The following CNOT10 variants were observed in gnomAD, a reference collection of about 807,000 sequenced individuals.
The protein encoded by CNOT10 is CCR4-NOT transcription complex subunit 10.
A neutral mutation model predicts 94.6 loss-of-function variants in CNOT10; 30 were observed. The ratio of observed to expected loss-of-function variants is 0.32; its 90% CI spans 0.24 to 0.43. CNOT10 has a LOEUF of 0.43. Among genes scored for constraint, CNOT10 ranks in the 20% least tolerant of loss-of-function variants. The pLI is 1.00. For synonymous variants in CNOT10, 289 were observed against 301.6 expected, an observed-to-expected ratio of 0.96 and a Z score of 0.43; for missense variants, 759 against 877.2, an observed-to-expected ratio of 0.87 and a Z score of 1.70.
rs560876803 is a variant in CNOT10, at chr3:32,726,631, G to A, written c.1012+1032G>A. Among the ~76,000 whole-genome samples, 22 of 151,298 alleles carry A rather than the reference G, an allele frequency of 1.5e-4. No individual in the cohort carries two copies. In the South Asian group the frequency reaches 4.4e-3, roughly 30 times the overall value. On this transcript the variant is annotated intron_variant, in intron 9 of 18. Coordinates refer to ENST00000328834, the MANE Select transcript of CNOT10 (RefSeq NM_015442.3). ...TAATGGCGTGTACCCAGGAGGCGGA[G>A]CTTGCCGTGAGCCGAGATCATGCCA...
At position 32,764,742 on chromosome 3, in the gene CNOT10, T is replaced by C; in HGVS notation, c.1937T>C (p.Leu646Pro). The C allele has an allele frequency of 6.2e-7, 1 of 1,614,184 alleles. No individual in the cohort carries two copies. Among genetic ancestry groups the C allele is most frequent in the African/African-American group, 1.3e-5 (1 of 75,030 alleles). Residue 646 changes from leucine to proline, a missense_variant, in exon 17 of 19, where the codon CTG becomes CCG. By Grantham distance (98) the Leu-to-Pro change is moderately conservative (BLOSUM62 -3). Coordinates refer to ENST00000328834, the MANE Select transcript of CNOT10 (RefSeq NM_015442.3). ...GTCAACTCTGCCAGGACTGTGATGC[T>C]GTTCAACCTTGGCAGCGCTTACTGC... Reference protein sequence around the residue: ...SSVNSARTVMLFNLGSAYCLR... With the variant: ...SSVNSARTVMPFNLGSAYCLR...
At chr3:32,752,184 A>C (rs151221025) in intron 13 of CNOT10, among the ~76,000 whole-genome samples, 114 of 152,132 alleles carry the variant, frequency 7.5e-4, no homozygotes, top group African/African-American at 2.6e-3. Context: ...GCTAGTCAAG[A>C]AGGCTGAGGC....
In CNOT10 at chr3:32,772,327, C is replaced by T. The variant is rs750332856; in HGVS notation, c.2081-1130C>T. Reference sequence around the variant, plus strand: ...TCGTGCCACTGCACTCCAGTCTGAACGACAGAGCGAGACTCCGTCTCAAAA... The same window carrying T: ...TCGTGCCACTGCACTCCAGTCTGAATGACAGAGCGAGACTCCGTCTCAAAA... On this transcript the variant is annotated intron_variant, in intron 18 of 18. Transcript: ENST00000328834. Among the ~76,000 whole-genome samples, 25 of 150,690 alleles carry T rather than the reference C, an allele frequency of 1.7e-4. 1 individual carries two copies. Among genetic ancestry groups the T allele is most frequent in the African/African-American group, 5.6e-4 (23 of 40,950 alleles).
At chr3:32,717,808 GTGAGC>G (rs1445193578) in intron 7 of CNOT10, among the ~76,000 whole-genome samples, 9 of 152,192 alleles carry the variant, frequency 5.9e-5, no homozygotes, top group Non-Finnish European at 1.2e-4. Flanking sequence ...AGAAGTTGCA[GTGAGC>G]TGAGATCGTG....
intron 15 of CNOT10, among the ~76,000 whole-genome samples, chr3:32,763,455 A>C (rs993363212): frequency 6.6e-6 from 1 of 152,120 alleles, no homozygotes; most frequent in African/African-American, 2.4e-5. Flanking sequence ...GTTCAAGACC[A>C]GCCTGGCCAA....
intron 4 of CNOT10, among the ~76,000 whole-genome samples, chr3:32,711,443 G>A (rs553172242): frequency 1.3e-5 from 2 of 152,220 alleles, no homozygotes; most frequent in South Asian, 4.1e-4. Flanking sequence ...CAGTGCAGAT[G>A]CAACAACTTT....
chr3:32,764,514 T>G, intron 16 of CNOT10, 24 bp downstream of exon 16: 1 of 1,612,264 alleles, frequency 6.2e-7, no homozygotes, highest in Non-Finnish European at 8.5e-7. Flanking sequence ...TTTGTGATAC[T>G]TAAGTAGCCT....
At chr3:32,764,832 T>A (rs1353020527) in intron 17 of CNOT10, 23 bp downstream of exon 17, 2 of 1,610,688 alleles carry the variant, frequency 1.2e-6, no homozygotes, top group Non-Finnish European at 1.7e-6. Context: ...TGGGAGGAAC[T>A]GAACCTTGTA....
intron 1 of CNOT10, among the ~76,000 whole-genome samples, chr3:32,687,458 T>TTTTTTTTGTTTTG (rs1559471766): frequency 1.9e-5 from 2 of 108,050 alleles, no homozygotes; most frequent in Non-Finnish European, 3.9e-5. Context: ...TTTTGTTTTT[T>TTTTTTTTGTTTTG]TTTTTTTTTT....
intron 14 of CNOT10, among the ~76,000 whole-genome samples, chr3:32,762,187 G>A (rs958298544): frequency 1.3e-5 from 2 of 150,578 alleles, no homozygotes; most frequent in East Asian, 2.0e-4. Flanking sequence ...AAAAAAGCTG[G>A]GCATGGTGGC....
At chr3:32,773,212 G>A (rs375635030) in intron 18 of CNOT10, among the ~76,000 whole-genome samples, 9 of 152,034 alleles carry the variant, frequency 5.9e-5, no homozygotes, top group African/African-American at 2.2e-4. Flanking sequence ...TCTCTACCTG[G>A]GCTATACCTT....
intron 7 of CNOT10, among the ~76,000 whole-genome samples, chr3:32,717,853 G>A (rs1012948234): frequency 1.3e-5 from 2 of 152,114 alleles, no homozygotes; most frequent in African/African-American, 2.4e-5. Context: ...GCAACAGGGT[G>A]AGACCCTGTC....
At chr3:32,732,984 A>C (rs1387356208) in intron 10 of CNOT10, among the ~76,000 whole-genome samples, 2 of 152,198 alleles carry the variant, frequency 1.3e-5, no homozygotes, top group African/African-American at 4.8e-5. Context: ...TTGACAATGT[A>C]ATTAATACTT....
At chr3:32,687,149 TG>T (rs779640651) in intron 1 of CNOT10, among the ~76,000 whole-genome samples, 11 of 152,318 alleles carry the variant, frequency 7.2e-5, no homozygotes, top group Non-Finnish European at 1.3e-4. Flanking sequence ...GTAGCTCCTT[TG>T]AATCTCTGCT....
chr3:32,764,613 C>T (rs983569357), intron 16 of CNOT10, 69 bp from the exon 17 acceptor site: 11 of 1,603,968 alleles, frequency 6.9e-6, no homozygotes, highest in African/African-American at 1.3e-5. Flanking sequence ...CTCCTCAAGG[C>T]GATAGATTGG....
At chr3:32,739,532 AT>A (rs1699360294) in intron 13 of CNOT10, among the ~76,000 whole-genome samples, 1 of 151,956 alleles carries the variant, frequency 6.6e-6, no homozygotes, top group South Asian at 2.1e-4. Context: ...TTTTTTCAAA[AT>A]TAAACTTCAT....
chr3:32,738,111 C>G (rs1699276108), intron 13 of CNOT10, among the ~76,000 whole-genome samples: 1 of 152,040 alleles, frequency 6.6e-6, no homozygotes, highest in Admixed American at 6.6e-5. Context: ...CTGTTTTCTG[C>G]AAGAGTCTGT....
At chr3:32,689,588 A>AAGCT (rs1559472788) in intron 1 of CNOT10, among the ~76,000 whole-genome samples, 1 of 152,106 alleles carries the variant, frequency 6.6e-6, no homozygotes, top group African/African-American at 2.4e-5. Flanking sequence ...CCTTGAATAC[A>AAGCT]AGCTCCCCGA....
intron 17 of CNOT10, among the ~76,000 whole-genome samples, chr3:32,768,776 G>T (rs749848004): frequency 2.0e-5 from 3 of 152,148 alleles, no homozygotes; most frequent in African/African-American, 7.2e-5. Flanking sequence ...TGGGCAACAT[G>T]CCCCGCTAGT....
Sources: allele counts gnomAD v4.1 joint callset (sites outside exome capture counted in the v4.1 genomes callset), GRCh38; gene constraint gnomAD v4.1.1; transcripts MANE v1.5; gene names NCBI Gene and HGNC (gene_info 2026-07-23, HGNC 2026-07-21).